The following CYP2A7 variants were observed in gnomAD, a reference collection of about 807,000 sequenced individuals.
CYP2A7 encodes the protein cytochrome P450 2A7.
A neutral mutation model predicts 42.0 loss-of-function variants in CYP2A7; 36 were observed. The ratio of observed to expected loss-of-function variants is 0.86; its 90% CI spans 0.66 to 1.13. The LOEUF (loss-of-function observed/expected upper bound fraction) is 1.13, where lower values mean the gene tolerates loss of function less well. CYP2A7 is among the 50% of genes most tolerant of loss of function. The pLI, the probability that CYP2A7 is intolerant of heterozygous loss-of-function variation, is 0.00. For synonymous variants in CYP2A7, 260 were observed against 249.5 expected (o/e 1.04, Z -0.40); for missense variants, 661 against 634.1 (o/e 1.04, Z -0.46).
chr19:40,881,241 A>T (rs1967675437), intron 2 of CYP2A7, among the ~76,000 whole-genome samples: 1 of 151,490 alleles, frequency 6.6e-6, no homozygotes, highest in Non-Finnish European at 1.5e-5. Context: ...AACATGGAGA[A>T]GCACAGAAGC....
chr19:40,876,542 C>G lies in CYP2A7; in HGVS notation c.1288G>C (p.Val430Leu). 1 of 1,612,946 alleles carries G rather than the reference C, an allele frequency of 6.2e-7. No homozygotes were observed. The highest frequency in any genetic ancestry group is 1.3e-5 in the African/African-American group (1 of 74,988). ...KGQFKKSDAFVPFSIGKRNCF... is the reference protein window; with the variant it reads ...KGQFKKSDAFLPFSIGKRNCF... ...GGTCTCTTACCGATGGAAAAGGGCACAAAAGCATCACTCTTCTTAAACTGC... is the reference window on the plus strand; with the variant it reads ...GGTCTCTTACCGATGGAAAAGGGCAGAAAAGCATCACTCTTCTTAAACTGC... The change falls in exon 8 of 9, where the codon GTG becomes CTG. Residue 430 changes from valine to leucine, a missense_variant. Around this residue, in one of 3 missense-constraint regions of CYP2A7, gnomAD observed 614 missense variants for 552.4 expected, o/e 1.11. Transcript: ENST00000301146.
Position 40,876,666 on chromosome 19 carries a change from G to T in CYP2A7, c.1164C>A (p.Gly388=), listed in dbSNP as rs139492746. The T allele has an allele frequency of 1.8e-4, 282 of 1,611,262 alleles. 7 individuals carry two copies. Among genetic ancestry groups the T allele is most frequent in the Admixed American group, 1.2e-4 (7 of 59,740 alleles). The change falls in exon 8 of 9, where the codon GGC becomes GGA. Residue 388 remains glycine (G), a splice_region_variant and synonymous_variant. Coordinates refer to ENST00000301146, the MANE Select transcript of CYP2A7 (RefSeq NM_000764.3). ...AGCCCAGCATAGGGAACACTTCGGTGCCCTGGTAGGGAGGAGGAAGTTGTG... is the reference window on the plus strand; with the variant it reads ...AGCCCAGCATAGGGAACACTTCGGTTCCCTGGTAGGGAGGAGGAAGTTGTG... ...TKFRDFFLPK[G]TEVFPMLGSV... is the part of the protein sequence containing the mutation.
At position 40,877,007 on chromosome 19, in the gene CYP2A7, G is replaced by A. The variant is rs183262865; in HGVS notation, c.1161+183C>T. On this transcript the variant is annotated intron_variant, in intron 7 of 8. Coordinates refer to ENST00000301146, the MANE Select transcript of CYP2A7 (RefSeq NM_000764.3). ...GATTCTCCCGACACAAAGAGTCTGGGGAGATGCAGGACTCAGGAGTGTCTA... is the reference window on the plus strand; with the variant it reads ...GATTCTCCCGACACAAAGAGTCTGGAGAGATGCAGGACTCAGGAGTGTCTA... The A allele has an allele frequency of 4.0e-5, 28 of 703,414 alleles. 1 individual carries two copies. Among genetic ancestry groups the A allele is most frequent in the African/African-American group, 3.0e-4 (17 of 55,764 alleles). 43.6% of individuals were successfully genotyped at this position (703,414 alleles called of 1,614,324 possible). A position where few individuals can be genotyped will look rare whatever the true frequency, so the allele number is the denominator to read the frequency against.
chr19:40,878,291 G>A (rs572902851), intron 5 of CYP2A7, among the ~76,000 whole-genome samples: 1 of 151,410 alleles, frequency 6.6e-6, no homozygotes. Flanking sequence ...GGCTGGACTC[G>A]AACTCCTGGG....
In CYP2A7 at chr19:40,875,490, T is replaced by G. The variant is rs28397164; in HGVS notation, c.*203A>C. The G allele has an allele frequency of 0.37, 225,139 of 612,218 alleles. 34,030 individuals carry two copies. The highest frequency in any genetic ancestry group is 0.45 in the East Asian group (14,798 of 32,756). The allele number at this position is 612,218 out of a possible 1,614,324, so 37.9% of individuals were successfully genotyped here. On this transcript the variant is annotated 3_prime_UTR_variant, in exon 9 of 9. Coordinates refer to ENST00000301146, the MANE Select transcript of CYP2A7 (RefSeq NM_000764.3). ...CTACTCTTCATAGCATAATGTAAGG[T>G]TTCCCTTCCTCTCATCCCAGCTCGG...
rs1399399124 is a variant in CYP2A7, at chr19:40,876,593, G to T, written c.1237C>A (p.Pro413Thr). The T allele has an allele frequency of 6.2e-7, 1 of 1,613,002 alleles. No individual in the cohort carries two copies. Among genetic ancestry groups the T allele is most frequent in the Non-Finnish European group, 8.5e-7 (1 of 1,179,320 alleles). ...SFFSNPQDFN[P>T]QHFLDDKGQF... The stretch of plus-strand genomic sequence containing the variant: ...CCCTTGTCATCCAGGAAATGCTGGG[G>T]ATTGAAGTCCTGAGGGTTGGAGAAG... Residue 413 changes from proline (P) to threonine (T), a missense_variant, in exon 8 of 9, where the codon CCC becomes ACC. Physicochemically the swap from Pro to Thr is conservative, Grantham distance 38. Around this residue, in one of 3 missense-constraint regions of CYP2A7, gnomAD observed 614 missense variants for 552.4 expected, o/e 1.11. Transcript: ENST00000301146.
In CYP2A7 at chr19:40,880,216, C is replaced by T. The variant is rs748547247; in HGVS notation, c.522G>A (p.Leu174=). 2 of 1,612,702 alleles carry T rather than the reference C, an allele frequency of 1.2e-6. No homozygotes were observed. Among genetic ancestry groups the T allele is most frequent in the Non-Finnish European group, 1.7e-6 (2 of 1,179,184 alleles). The change falls in exon 4 of 9, where the codon CTG becomes CTA. Residue 174 remains leucine (L), a synonymous_variant. Coordinates refer to ENST00000301146, the MANE Select transcript of CYP2A7 (RefSeq NM_000764.3). The part of the protein sequence containing the change: ...HGANIDPTFF[L]SRTVSNVISS... Reference sequence around the variant, plus strand: ...TGATGACATTGGAGACTGTGCGGCTCAGGAAGAAGGTGGGATCGATATTGG... The same window carrying T: ...TGATGACATTGGAGACTGTGCGGCTTAGGAAGAAGGTGGGATCGATATTGG...
rs768032197 is a variant in CYP2A7, at chr19:40,882,221, A to G, written c.-11T>C. 95 of 1,612,270 alleles carry G rather than the reference A, an allele frequency of 5.9e-5. No homozygotes were observed. Among genetic ancestry groups the G allele is most frequent in the African/African-American group, 3.6e-4 (27 of 74,984 alleles). ...CCCTGAGGCCAGCATGGTGGTAGTGAGATGACAGATGGTGATGGGTGGGGT... is the reference window on the plus strand; with the variant it reads ...CCCTGAGGCCAGCATGGTGGTAGTGGGATGACAGATGGTGATGGGTGGGGT... On this transcript the variant is annotated 5_prime_UTR_variant, in exon 1 of 9. Coordinates refer to ENST00000301146, the MANE Select transcript of CYP2A7 (RefSeq NM_000764.3).
In CYP2A7 at chr19:40,879,939, A is replaced by G. The variant is rs1421284923; in HGVS notation, c.654+145T>C. The stretch of plus-strand genomic sequence containing the variant: ...GTCCTTGGAGACAGGCTTCTGGTGC[A>G]ACTGTCCAGTTGTCCAATATCGGGG... On this transcript the variant is annotated intron_variant, in intron 4 of 8. Transcript: ENST00000301146. 2.9e-6 allele frequency: 4 copies of G among 1,364,466 alleles called. 1 individual carries two copies. Among genetic ancestry groups the G allele is most frequent in the African/African-American group, 2.9e-5 (2 of 69,470 alleles). The allele number at this position is 1,364,466 out of a possible 1,614,324, so 84.5% of individuals were successfully genotyped here. A position where few individuals can be genotyped will look rare whatever the true frequency, so the allele number is the denominator to read the frequency against.
Position 40,877,362 on chromosome 19 carries a change from T to C in CYP2A7, c.989A>G (p.Glu330Gly). The change falls in exon 7 of 9, where the codon GAG (glutamate) becomes GGG (glycine). Residue 330 changes from glutamate (E) to glycine (G), a missense_variant. By Grantham distance (98) the Glu-to-Gly change is moderately conservative. Transcript: ENST00000301146. ...GTTCTTGCCGATCACTCTGTCAATC[T>C]CCTCATGGACCTTGGCTGGGGGAGG... is the stretch of plus-strand genomic sequence containing the variant. ...HPEVEAKVHE[E>G]IDRVIGKNRQ... 1.9e-6 allele frequency: 3 copies of C among 1,612,394 alleles called. No individual in the cohort carries two copies. The highest frequency in any genetic ancestry group is 2.5e-6 in the Non-Finnish European group (3 of 1,178,900).
At chr19:40,878,210 T>G (rs931569230) in intron 5 of CYP2A7, among the ~76,000 whole-genome samples, 2 of 151,642 alleles carry the variant, frequency 1.3e-5, no homozygotes, top group Non-Finnish European at 2.9e-5. Flanking sequence ...GCTGACCATC[T>G]GTCCTTTAAT....
At chr19:40,880,020 C>G (rs1179338925) in intron 4 of CYP2A7, 64 bp downstream of exon 4, 7 of 1,593,188 alleles carry the variant, frequency 4.4e-6, no homozygotes, top group Non-Finnish European at 6.0e-6. Flanking sequence ...GCACCTGTCT[C>G]CAGGTAGGGG....
intron 5 of CYP2A7, among the ~76,000 whole-genome samples, chr19:40,878,348 C>A (rs977848506): frequency 1.3e-5 from 2 of 151,752 alleles, no homozygotes; most frequent in Non-Finnish European, 2.9e-5. Flanking sequence ...TGGAACTGCA[C>A]ACGCGCATGA....
rs746304103 is a variant in CYP2A7, at chr19:40,876,553, C to T, written c.1277G>A (p.Ser426Asn). Residue 426 changes from serine (S) to asparagine (N), a missense_variant, in exon 8 of 9, where the codon AGT becomes AAT. Around this residue, in one of 3 missense-constraint regions of CYP2A7, gnomAD observed 614 missense variants for 552.4 expected, o/e 1.11. Coordinates refer to ENST00000301146, the MANE Select transcript of CYP2A7 (RefSeq NM_000764.3). ...FLDDKGQFKK[S>N]DAFVPFSIGK... is the part of the protein sequence containing the mutation. ...GATGGAAAAGGGCACAAAAGCATCA[C>T]TCTTCTTAAACTGCCCCTTGTCATC... The T allele has an allele frequency of 1.2e-6, 2 of 1,612,932 alleles. No individual in the cohort carries two copies. The highest frequency in any genetic ancestry group is 1.3e-5 in the African/African-American group (1 of 74,874).
At position 40,880,210 on chromosome 19, in the gene CYP2A7, G is replaced by A; in HGVS notation, c.528C>T (p.Arg176=). 5.0e-6 allele frequency: 8 copies of A among 1,612,948 alleles called. No individual in the cohort carries two copies. Among genetic ancestry groups the A allele is most frequent in the Non-Finnish European group, 6.8e-6 (8 of 1,179,218 alleles). ...ANIDPTFFLS[R]TVSNVISSIV... ...TGGAGCTGATGACATTGGAGACTGT[G>A]CGGCTCAGGAAGAAGGTGGGATCGA... Residue 176 remains arginine (R), a synonymous_variant, in exon 4 of 9, where the codon CGC becomes CGT. Transcript: ENST00000301146.
chr19:40,875,579 C>G lies in CYP2A7; in HGVS notation c.*114G>C. ...TTCTCTTCCCTCTAGCCACCACGCC[C>G]CTTCCTTTCCCGCATCTTCCCCCCA... On this transcript the variant is annotated 3_prime_UTR_variant, in exon 9 of 9. Transcript: ENST00000301146. 1 of 1,545,018 alleles carries G rather than the reference C, an allele frequency of 6.5e-7. No homozygotes were observed.
In CYP2A7 at chr19:40,877,345, C is replaced by G. The variant is rs201592579; in HGVS notation, c.1006G>C (p.Gly336Arg). The change falls in exon 7 of 9, where the codon GGC becomes CGC. Residue 336 changes from glycine to arginine, a missense_variant. Coordinates refer to ENST00000301146, the MANE Select transcript of CYP2A7 (RefSeq NM_000764.3). ...TCAAACTTGGGCTGCCGGTTCTTGC[C>G]GATCACTCTGTCAATCTCCTCATGG... Reference protein sequence around the residue: ...KVHEEIDRVIGKNRQPKFEDR... With the variant: ...KVHEEIDRVIRKNRQPKFEDR... The G allele has an allele frequency of 6.2e-6, 10 of 1,612,444 alleles. No homozygotes were observed. Among genetic ancestry groups the G allele is most frequent in the East Asian group, 4.5e-5 (2 of 44,870 alleles).
rs1264458164 is a variant in CYP2A7, at chr19:40,877,929, A to C, written c.896T>G (p.Phe299Cys). 4 of 1,612,582 alleles carry C rather than the reference A, an allele frequency of 2.5e-6. No individual in the cohort carries two copies. The South Asian group carries it at 3.3e-5, about 13-fold the overall frequency. ...KNLMMSTLNL[F>C]IAGTETVSTT... is the part of the protein sequence containing the mutation. ...GCTGACCGTCTCGGTGCCTGCAATG[A>C]AGAGGTTCAACGTGCTCATCATCAG... Residue 299 changes from phenylalanine to cysteine, a missense_variant, in exon 6 of 9, where the codon TTC (phenylalanine) becomes TGC (cysteine). This residue lies in a region of CYP2A7 where 614 missense variants were observed against 552.4 expected (regional missense o/e 1.11). Coordinates refer to ENST00000301146, the MANE Select transcript of CYP2A7 (RefSeq NM_000764.3).
chr19:40,878,110 C>G (rs1283081593), intron 5 of CYP2A7, 117 bp from the exon 6 acceptor site: 2 of 1,176,272 alleles, frequency 1.7e-6, no homozygotes, highest in Non-Finnish European at 2.4e-6. Context: ...AAGAGGGACC[C>G]TAGATCTACC....
Sources: gnomAD v4.1 joint callset for allele counts (sites outside exome capture counted in the v4.1 genomes callset) on GRCh38, gnomAD v4.1.1 for gene constraint, gnomAD v4.1.1 regional missense constraint, MANE v1.5 for transcripts, NCBI Gene and HGNC (gene_info 2026-07-23, HGNC 2026-07-21) for gene names.